Variants in MTG2 observed in about 807,000 individuals in gnomAD.
MTG2 encodes the protein mitochondrial ribosome associated GTPase 2, also known as mitochondrial ribosome-associated GTPase 2.
In MTG2, 23 loss-of-function variants were observed where a neutral mutation model predicts 28.6. The ratio of observed to expected loss-of-function variants is 0.80; its 90% CI spans 0.58 to 1.14. MTG2 has a LOEUF of 1.14. Ranked by LOEUF, MTG2 falls within the 50% of genes most tolerant of loss-of-function variation. MTG2 has a pLI of 0.00. For synonymous variants in MTG2, 260 were observed against 251.8 expected, an observed-to-expected ratio of 1.03 and a Z score of -0.31; for missense variants, 539 against 552.0, an observed-to-expected ratio of 0.98 and a Z score of 0.24.
chr20:62,186,628 A>G (rs1359661764), intron 1 of MTG2, among the ~76,000 whole-genome samples: 1 of 148,498 alleles, frequency 6.7e-6, no homozygotes, highest in Non-Finnish European at 1.5e-5. Context: ...TCCCAGGTTC[A>G]AGCGATTCTC....
chr20:62,200,213 G>A (rs1481527246), intron 6 of MTG2: 2 of 153,288 alleles, frequency 1.3e-5, no homozygotes, highest in African/African-American at 2.4e-5. Flanking sequence ...TGCCGTTTGA[G>A]AGAATAAAAC....
intron 4 of MTG2, chr20:62,198,392 A>G (rs1220552434): frequency 5.1e-6 from 3 of 583,746 alleles, no homozygotes; most frequent in Non-Finnish European, 9.2e-6. Context: ...TTTTAGAAAC[A>G]CTATTTGAAA....
intron 1 of MTG2, among the ~76,000 whole-genome samples, chr20:62,186,535 T>TTG (rs1454904862): frequency 6.1e-5 from 9 of 148,070 alleles, no homozygotes; most frequent in East Asian, 5.9e-4. Flanking sequence ...TTTGTTTTTT[T>TTG]TTTTTTTTTT....
intron 3 of MTG2, among the ~76,000 whole-genome samples, chr20:62,196,628 C>T (rs2058063894): frequency 6.6e-6 from 1 of 152,042 alleles, no homozygotes; most frequent in African/African-American, 2.4e-5. Context: ...TCCGATTGTG[C>T]TGCTGCACTC....
chr20:62,184,087 G>C (rs554832846), intron 1 of MTG2, among the ~76,000 whole-genome samples: 3 of 152,242 alleles, frequency 2.0e-5, no homozygotes, highest in South Asian at 2.1e-4. Flanking sequence ...CGCTGGGCGC[G>C]GTGGCTCACG....
chr20:62,197,602 A>AC (rs2058083410), intron 3 of MTG2: 2 of 419,442 alleles, frequency 4.8e-6, no homozygotes, highest in African/African-American at 4.1e-5. Flanking sequence ...AGCCTTCACA[A>AC]CAAAAGCATA....
At chr20:62,189,502 G>T (rs1227737442) in intron 1 of MTG2, among the ~76,000 whole-genome samples, 1 of 151,644 alleles carries the variant, frequency 6.6e-6, no homozygotes, top group South Asian at 2.1e-4. Flanking sequence ...CAGGAGTCTT[G>T]CTATTTTGCC....
intron 6 of MTG2, among the ~76,000 whole-genome samples, chr20:62,199,645 CAA>C (rs201555286): frequency 0.24 from 16,753 of 70,318 alleles, 1,272 homozygotes; most frequent in South Asian, 0.29. Flanking sequence ...AACTCCATCT[CAA>C]AAAAAAAAAA....
intron 1 of MTG2, 42 bp from the exon 2 acceptor site, chr20:62,193,374 C>G (rs746826963): frequency 6.3e-7 from 1 of 1,588,484 alleles, no homozygotes; most frequent in Admixed American, 1.7e-5. Context: ...TCATGCCCAG[C>G]ATTAAACCAA....
chr20:62,186,532 T>TTG (rs1263668131), intron 1 of MTG2, among the ~76,000 whole-genome samples: 59 of 94,258 alleles, frequency 6.3e-4, no homozygotes, highest in South Asian at 6.2e-3. Context: ...TTTTTTGTTT[T>TTG]TTTTTTTTTT....
At chr20:62,192,701 A>G (rs768466109) in intron 1 of MTG2, among the ~76,000 whole-genome samples, 5 of 152,030 alleles carry the variant, frequency 3.3e-5, no homozygotes, top group African/African-American at 4.8e-5. Flanking sequence ...GTCACCTGGG[A>G]AGTCCAAGGG....
At chr20:62,195,770 G>C in intron 2 of MTG2, 32 bp from the exon 3 acceptor site, 3 of 1,613,368 alleles carry the variant, frequency 1.9e-6, no homozygotes, top group Non-Finnish European at 2.5e-6. Context: ...TTGGAGTGTT[G>C]AGATGACGTG....
Position 62,201,135 on chromosome 20 carries a change from C to T in MTG2, c.*58C>T, listed in dbSNP as rs1465009762. 37 of 1,493,130 alleles carry T rather than the reference C, an allele frequency of 2.5e-5. No individual in the cohort carries two copies. The highest frequency in any genetic ancestry group is 3.1e-5 in the Non-Finnish European group (35 of 1,128,242). The allele number at this position is 1,493,130 out of a possible 1,614,324, so 92.5% of individuals were successfully genotyped here. A position where few individuals can be genotyped will look rare whatever the true frequency, so the allele number is the denominator to read the frequency against. ...GTCTGAGCAAACCTGGGTGTGAATT[C>T]GGTGGTTTTGAATGCATAAAGTGCC... On this transcript the variant is annotated 3_prime_UTR_variant, in exon 7 of 7. Coordinates refer to ENST00000370823, the MANE Select transcript of MTG2 (RefSeq NM_015666.4).
intron 1 of MTG2, among the ~76,000 whole-genome samples, chr20:62,186,711 T>C (rs1285801154): frequency 1.3e-5 from 2 of 152,120 alleles, no homozygotes; most frequent in African/African-American, 2.4e-5. Flanking sequence ...ATATTTTTAG[T>C]AGAGATGGGG....
chr20:62,183,744 G>T (rs940772867), intron 1 of MTG2, among the ~76,000 whole-genome samples: 1 of 152,222 alleles, frequency 6.6e-6, no homozygotes, highest in Non-Finnish European at 1.5e-5. Flanking sequence ...TTGTAAAGGG[G>T]AGGACCCATT....
chr20:62,192,751 C>T (rs2057984668), intron 1 of MTG2, among the ~76,000 whole-genome samples: 1 of 152,160 alleles, frequency 6.6e-6, no homozygotes. Flanking sequence ...TCGCCCCTGT[C>T]ACTCAGGAAA....
At chr20:62,193,681 G>A in intron 2 of MTG2, 57 bp downstream of exon 2, 2 of 1,487,866 alleles carry the variant, frequency 1.3e-6, no homozygotes, top group Non-Finnish European at 1.8e-6. Flanking sequence ...GGCACAGGGT[G>A]TGGTTTCGGG....
In MTG2 at chr20:62,195,450, A is replaced by G. The variant is rs544759151; in HGVS notation, c.205-352A>G. ...TTTTGAATGGAAAGACACATTATATAAGGAATATTTCCTAAACAAGATGTG... is the reference window on the plus strand; with the variant it reads ...TTTTGAATGGAAAGACACATTATATGAGGAATATTTCCTAAACAAGATGTG... On this transcript the variant is annotated intron_variant, in intron 2 of 6. Coordinates refer to ENST00000370823, the MANE Select transcript of MTG2 (RefSeq NM_015666.4). Among the ~76,000 whole-genome samples, 15 of 152,338 alleles carry G rather than the reference A, an allele frequency of 9.8e-5. No homozygotes were observed. In the East Asian group the frequency reaches 2.9e-3, roughly 29 times the overall value.
chr20:62,199,632 C>T (rs1417845691), intron 6 of MTG2, among the ~76,000 whole-genome samples: 6 of 126,138 alleles, frequency 4.8e-5, no homozygotes, highest in Non-Finnish European at 8.1e-5. Context: ...GGCGACAGAG[C>T]GAAACTCCAT....
Sources: allele counts gnomAD v4.1 joint callset (sites outside exome capture counted in the v4.1 genomes callset), GRCh38; gene constraint gnomAD v4.1.1; transcripts MANE v1.5; gene names NCBI Gene and HGNC (gene_info 2026-07-23, HGNC 2026-07-21).